The following FCAMR variants were observed in gnomAD, a reference collection of about 807,000 sequenced individuals.
The protein encoded by FCAMR is high affinity immunoglobulin alpha and immunoglobulin mu Fc receptor.
FCAMR carries 51 observed loss-of-function variants against 52.2 expected under a neutral mutation model. The observed-to-expected ratio is 0.98, with a 90% CI of 0.78 to 1.23. The LOEUF is 1.23. Among genes scored for constraint, FCAMR ranks in the 50% most tolerant of loss-of-function variants. The pLI is 0.00. For synonymous variants in FCAMR, 282 were observed against 262.0 expected, an observed-to-expected ratio of 1.08 and a Z score of -0.74; for missense variants, 719 against 712.6, an observed-to-expected ratio of 1.01 and a Z score of -0.10.
chr1:206,964,934 GAC>G (rs749488789), intron 4 of FCAMR, among the ~76,000 whole-genome samples: 21 of 152,254 alleles, frequency 1.4e-4, no homozygotes, highest in Non-Finnish European at 2.9e-4. Flanking sequence ...GGTCCTGTGT[GAC>G]TGCACAGGCC....
At chr1:206,969,784 C>T (rs928974483) in intron 1 of FCAMR, among the ~76,000 whole-genome samples, 5 of 152,342 alleles carry the variant, frequency 3.3e-5, no homozygotes, top group African/African-American at 1.2e-4. Context: ...CTGTTCCTCT[C>T]CTCTACAAAA....
chr1:206,960,718 C>T lies in FCAMR; in HGVS notation c.1158G>A (p.Leu386=). 1.3e-6 allele frequency: 2 copies of T among 1,552,288 alleles called. No individual in the cohort carries two copies. Among genetic ancestry groups the T allele is most frequent in the Non-Finnish European group, 1.7e-6 (2 of 1,147,104 alleles). The change falls in exon 6 of 8, where the codon TTG becomes TTA. Residue 386 remains leucine (L), a synonymous_variant. Coordinates refer to ENST00000324852, the MANE Select transcript of FCAMR (RefSeq NM_001170631.2). The part of the protein sequence containing the change: ...IGPPALVSET[L]AWEILPQATP... The stretch of plus-strand genomic sequence containing the variant: ...TTGCTTGTGGGAGGATTTCCCAGGC[C>T]AAAGTTTCTGAGACCAGAGCTGGTG...
At position 206,958,628 on chromosome 1, in the gene FCAMR, T is replaced by G; in HGVS notation, c.1622A>C (p.Glu541Ala). ...CAGCTGGTCTGCTTGGGGGTTCACT[T>G]CCAGAAAATGTGTCATCTGAATTAA... ...VTLIQMTHFL[E>A]VNPQADQLPH... Residue 541 changes from glutamate (E) to alanine (A), a missense_variant, in exon 8 of 8, where the codon GAA becomes GCA. Glu to Ala is a moderately radical substitution (Grantham distance 107, BLOSUM62 -1). Transcript: ENST00000324852. 1 of 1,614,040 alleles carries G rather than the reference T, an allele frequency of 6.2e-7. No homozygotes were observed. Among genetic ancestry groups the G allele is most frequent in the Non-Finnish European group, 8.5e-7 (1 of 1,180,012 alleles).
intron 1 of FCAMR, among the ~76,000 whole-genome samples, chr1:206,968,815 C>T (rs1680815068): frequency 6.6e-6 from 1 of 152,116 alleles, no homozygotes; most frequent in South Asian, 2.1e-4. Flanking sequence ...TGGGGTGGCC[C>T]TGAGCTTGTT....
At chr1:206,969,563 C>T (rs1185782486) in intron 1 of FCAMR, among the ~76,000 whole-genome samples, 2 of 152,194 alleles carry the variant, frequency 1.3e-5, no homozygotes, top group African/African-American at 4.8e-5. Context: ...GCATGCACCT[C>T]ACCTCAGCTT....
Position 206,959,761 on chromosome 1 carries a change from C to T in FCAMR, c.1491G>A (p.Leu497=), listed in dbSNP as rs1402053717. Residue 497 remains leucine (L), a synonymous_variant, in exon 7 of 8, where the codon CTG becomes CTA. Coordinates refer to ENST00000324852, the MANE Select transcript of FCAMR (RefSeq NM_001170631.2). The part of the protein sequence containing the change: ...FPEDESSSRT[L]APVSTMLALF... ...GGGCCAGCATGGTAGAGACAGGAGCCAGGGTCCGAGAGCTGCTTTCATCTT... is the reference window on the plus strand; with the variant it reads ...GGGCCAGCATGGTAGAGACAGGAGCTAGGGTCCGAGAGCTGCTTTCATCTT... The T allele has an allele frequency of 1.2e-6, 2 of 1,614,152 alleles. No homozygotes were observed. Among genetic ancestry groups the T allele is most frequent in the East Asian group, 2.2e-5 (1 of 44,882 alleles).
rs770316537 is a variant in FCAMR, at chr1:206,959,720, G to A, written c.1532C>T (p.Ala511Val). 7.4e-6 allele frequency: 12 copies of A among 1,613,982 alleles called. No homozygotes were observed. In the Middle Eastern group the frequency reaches 8.2e-4, roughly 111 times the overall value. The change falls in exon 7 of 8, where the codon GCT becomes GTT. Residue 511 changes from alanine (A) to valine (V), a missense_variant. Ala to Val is a moderately conservative substitution (Grantham distance 64). Coordinates refer to ENST00000324852, the MANE Select transcript of FCAMR (RefSeq NM_001170631.2). ...GAGCTTCCTTTGCAATAGAACCAGAGCCATAAGCATAAACAGGGCCAGCAT... is the reference window on the plus strand; with the variant it reads ...GAGCTTCCTTTGCAATAGAACCAGAACCATAAGCATAAACAGGGCCAGCAT... ...STMLALFMLM[A>V]LVLLQRKLWR...
intron 5 of FCAMR, 109 bp from the exon 6 acceptor site, chr1:206,961,332 T>C: frequency 1.2e-6 from 1 of 818,490 alleles, no homozygotes; most frequent in Non-Finnish European, 1.9e-6. Flanking sequence ...GCAACCTCAC[T>C]AAGAGTTGCA....
At chr1:206,959,919 C>A (rs1680433307) in intron 6 of FCAMR, 122 bp from the exon 7 acceptor site, 1 of 757,088 alleles carries the variant, frequency 1.3e-6, no homozygotes, top group African/African-American at 1.7e-5. Flanking sequence ...AAATGGGCAG[C>A]CCTGGTTCCC....
intron 1 of FCAMR, among the ~76,000 whole-genome samples, 160 bp downstream of exon 1, chr1:206,969,927 C>A (rs1262774569): frequency 1.3e-5 from 2 of 152,242 alleles, no homozygotes; most frequent in African/African-American, 4.8e-5. Flanking sequence ...TGAGAGGGAG[C>A]CCCTATGTTC....
chr1:206,964,983 G>C (rs1680649043), intron 4 of FCAMR, among the ~76,000 whole-genome samples: 1 of 152,126 alleles, frequency 6.6e-6, no homozygotes, highest in Non-Finnish European at 1.5e-5. Flanking sequence ...GTGTATTCAG[G>C]TCTAACTGCT....
At chr1:206,966,447 G>A (rs542992108) in intron 3 of FCAMR, among the ~76,000 whole-genome samples, 10 of 152,228 alleles carry the variant, frequency 6.6e-5, no homozygotes, top group South Asian at 2.1e-4. Context: ...GTGCAGTGGC[G>A]CGATCTCAGC....
At chr1:206,958,922 A>G (rs1680371881) in intron 7 of FCAMR, 1 of 644,158 alleles carries the variant, frequency 1.6e-6, no homozygotes, top group African/African-American at 1.8e-5. Flanking sequence ...CACTAGGTGT[A>G]CATATCACAG....
At chr1:206,968,494 A>C (rs1330906970) in intron 1 of FCAMR, among the ~76,000 whole-genome samples, 3 of 152,232 alleles carry the variant, frequency 2.0e-5, no homozygotes, top group East Asian at 3.8e-4. Flanking sequence ...AAAGCAAACT[A>C]AAGTTAGCCG....
chr1:206,961,174 G>T lies in FCAMR; in HGVS notation c.702C>A (p.Thr234=), dbSNP rs763503910. Residue 234 remains threonine, a synonymous_variant, in exon 6 of 8, where the codon ACC becomes ACA. Coordinates refer to ENST00000324852, the MANE Select transcript of FCAMR (RefSeq NM_001170631.2). ...GAGACGCTGTTCCATAGGATCTCAT[G>T]GTGAGCTCCCCAGCAGCTGGAGTGG... is the stretch of plus-strand genomic sequence containing the variant. The part of the protein sequence containing the change: ...PTATPAAGEL[T]MRSYGTASPV... 2.4e-5 allele frequency: 38 copies of T among 1,551,448 alleles called. No individual in the cohort carries two copies. In the African/African-American group the frequency reaches 4.7e-4, roughly 19 times the overall value.
At chr1:206,965,998 C>A in intron 3 of FCAMR, 140 bp from the exon 4 acceptor site, 1 of 1,114,134 alleles carries the variant, frequency 9.0e-7, no homozygotes, top group Non-Finnish European at 1.3e-6. Flanking sequence ...TAAGAGCTGC[C>A]TGCCCTCCTG....
At chr1:206,968,649 G>A (rs1057374335) in intron 1 of FCAMR, among the ~76,000 whole-genome samples, 2 of 152,116 alleles carry the variant, frequency 1.3e-5, no homozygotes, top group African/African-American at 4.8e-5. Context: ...TTGTGACACA[G>A]GCTGTGCAGG....
At chr1:206,969,629 C>T (rs1424251411) in intron 1 of FCAMR, among the ~76,000 whole-genome samples, 4 of 152,170 alleles carry the variant, frequency 2.6e-5, no homozygotes, top group Non-Finnish European at 4.4e-5. Flanking sequence ...CTCCGAGCCC[C>T]AGTTCACTCC....
intron 5 of FCAMR, 138 bp from the exon 6 acceptor site, chr1:206,961,361 G>T: frequency 1.5e-6 from 1 of 658,648 alleles, no homozygotes; most frequent in Non-Finnish European, 2.5e-6. Context: ...CCAATAGGTT[G>T]GATAAAATAA....
Sources: gnomAD v4.1 joint callset for allele counts (sites outside exome capture counted in the v4.1 genomes callset) on GRCh38, gnomAD v4.1.1 for gene constraint, MANE v1.5 for transcripts, NCBI Gene and HGNC (gene_info 2026-07-23, HGNC 2026-07-21) for gene names.